The following EBPL variants were observed in gnomAD, a reference collection of about 807,000 sequenced individuals.
The protein encoded by EBPL is emopamil-binding protein-like.
A neutral mutation model predicts 19.0 loss-of-function variants in EBPL; 20 were observed. That is an observed-to-expected ratio of 1.05 (90% CI 0.74 to 1.53). EBPL has a LOEUF of 1.53. Among genes scored for constraint, EBPL ranks in the 40% most tolerant of loss-of-function variants. The pLI, the probability that EBPL is intolerant of heterozygous loss-of-function variation, is 0.00. For missense variants in EBPL, 219 were observed against 261.1 expected, an observed-to-expected ratio of 0.84 and a Z score of 1.11; for synonymous variants, 107 against 117.0, an observed-to-expected ratio of 0.91 and a Z score of 0.55.
At chr13:49,691,189 C>T (rs1954059726) in intron 1 of EBPL, 65 bp downstream of exon 1, 6 of 1,247,834 alleles carry the variant, frequency 4.8e-6, no homozygotes, top group Non-Finnish European at 6.1e-6. Flanking sequence ...CCCCTCACCC[C>T]GCCTTGCCGC....
chr13:49,679,092 CTACT>C lies in EBPL; in HGVS notation c.172-9250_172-9247del, dbSNP rs1953914928. 1.3e-5 allele frequency among the ~76,000 whole-genome samples: 2 copies of C among 151,776 alleles called. 1 individual carries two copies. Among genetic ancestry groups the C allele is most frequent in the African/African-American group, 4.8e-5 (2 of 41,282 alleles). On this transcript the variant is annotated intron_variant, in intron 1 of 3. Transcript: ENST00000242827. ...CCGAAGATCAAAGCCACTGAAAACA[CTACT>C]TACTATTTGCCAGGCACCAAAATTA...
intron 2 of EBPL, among the ~76,000 whole-genome samples, chr13:49,664,486 C>T (rs971824684): frequency 2.6e-5 from 4 of 152,130 alleles, no homozygotes; most frequent in Non-Finnish European, 5.9e-5. Flanking sequence ...GTGGTTTCTT[C>T]TCAGGAACAC....
intron 1 of EBPL, chr13:49,686,682 C>T (rs1954002336): frequency 1.6e-6 from 2 of 1,229,490 alleles, no homozygotes; most frequent in Non-Finnish European, 2.1e-6. Flanking sequence ...AGCAGTCATA[C>T]CTGGGGCTTC....
chr13:49,680,939 C>G (rs1953936286), intron 1 of EBPL, among the ~76,000 whole-genome samples: 1 of 152,122 alleles, frequency 6.6e-6, no homozygotes, highest in Non-Finnish European at 1.5e-5. Context: ...CTCCTGACTC[C>G]CAATCACGTT....
intron 1 of EBPL, among the ~76,000 whole-genome samples, chr13:49,674,166 C>T (rs972623718): frequency 7.9e-5 from 12 of 152,200 alleles, no homozygotes; most frequent in African/African-American, 2.4e-4. Flanking sequence ...TGCAGTGGTG[C>T]GACCTTGGCT....
intron 1 of EBPL, among the ~76,000 whole-genome samples, chr13:49,687,281 TCA>T (rs1232967302): frequency 1.3e-5 from 2 of 152,160 alleles, no homozygotes; most frequent in Non-Finnish European, 2.9e-5. Flanking sequence ...GGAAAGTCTC[TCA>T]CAGTTAGCTT....
rs139407673 is a variant in EBPL at position 49,661,263 on chromosome 13, C to T, written c.381-55G>A. On this transcript the variant is annotated intron_variant, in intron 3 of 3. Transcript: ENST00000242827. ...CCACCAGCTTGGCACAGTTTGGCAT[C>T]AGAGTCATGACATCTTGTCTGTAAT... 140 of 1,419,336 alleles carry T rather than the reference C, an allele frequency of 9.9e-5. 2 individuals carry two copies. The East Asian group carries it at 1.7e-3, about 17-fold the overall frequency. 87.9% of individuals were successfully genotyped at this position (1,419,336 alleles called of 1,614,324 possible). A position where few individuals can be genotyped will look rare whatever the true frequency, so the allele number is the denominator to read the frequency against.
intron 1 of EBPL, among the ~76,000 whole-genome samples, chr13:49,678,063 GCTTTTATTCCC>G: frequency 6.6e-6 from 1 of 152,264 alleles, no homozygotes; most frequent in Admixed American, 6.5e-5. Flanking sequence ...TGGGCAGCCT[GCTTTTATTCCC>G]TTATCTGACC....
chr13:49,661,978 G>C, intron 3 of EBPL: 1 of 1,440,550 alleles, frequency 6.9e-7, no homozygotes, highest in Non-Finnish European at 9.5e-7. Flanking sequence ...CTCTGAGTCT[G>C]ATAGGATGGA....
intron 1 of EBPL, 47 bp downstream of exon 1, chr13:49,691,206 TC>T: frequency 7.8e-7 from 1 of 1,283,494 alleles, no homozygotes; most frequent in Non-Finnish European, 9.9e-7. Flanking sequence ...CCGCCCCCGC[TC>T]CCACTCTCTG....
chr13:49,661,465 C>T (rs1965147730), intron 3 of EBPL, among the ~76,000 whole-genome samples: 1 of 152,122 alleles, frequency 6.6e-6, no homozygotes, highest in African/African-American at 2.4e-5. Flanking sequence ...CTCAGGGATC[C>T]TGACCCATTC....
chr13:49,676,123 T>C (rs1444706444), intron 1 of EBPL, among the ~76,000 whole-genome samples: 1 of 152,230 alleles, frequency 6.6e-6, no homozygotes, highest in Non-Finnish European at 1.5e-5. Flanking sequence ...TGGGCTAGAC[T>C]GCCCCATGGG....
intron 2 of EBPL, among the ~76,000 whole-genome samples, chr13:49,665,364 C>T (rs964555873): frequency 1.1e-4 from 17 of 152,200 alleles, no homozygotes; most frequent in Non-Finnish European, 2.2e-4. Flanking sequence ...CTCCGCCTCC[C>T]GTGTTCAAGC....
chr13:49,688,942 C>A (rs1954030780), intron 1 of EBPL, among the ~76,000 whole-genome samples: 1 of 152,154 alleles, frequency 6.6e-6, no homozygotes, highest in Non-Finnish European at 1.5e-5. Context: ...CCCCACTGAT[C>A]TCTGAGACAC....
intron 1 of EBPL, chr13:49,686,409 C>T (rs1953998556): frequency 4.0e-6 from 5 of 1,242,098 alleles, no homozygotes; most frequent in Non-Finnish European, 5.2e-6. Context: ...AAGCCTTTGG[C>T]TTCTGGAGCC....
intron 1 of EBPL, among the ~76,000 whole-genome samples, chr13:49,682,017 C>A (rs1020417450): frequency 2.6e-5 from 4 of 152,194 alleles, no homozygotes; most frequent in African/African-American, 9.7e-5. Flanking sequence ...CAACAGCATA[C>A]AACATTGTTT....
At chr13:49,662,965 A>G in intron 3 of EBPL, 92 bp downstream of exon 3, 2 of 1,499,728 alleles carry the variant, frequency 1.3e-6, no homozygotes, top group Non-Finnish European at 1.8e-6. Flanking sequence ...TCTAACAAAT[A>G]TATGTGGTCA....
intron 1 of EBPL, among the ~76,000 whole-genome samples, chr13:49,681,907 G>A (rs944803194): frequency 6.6e-6 from 1 of 152,120 alleles, no homozygotes; most frequent in African/African-American, 2.4e-5. Flanking sequence ...AGTGGAGCAG[G>A]AATAGAATCA....
intron 1 of EBPL, among the ~76,000 whole-genome samples, chr13:49,682,056 A>G (rs1181066314): frequency 2.0e-5 from 3 of 152,174 alleles, no homozygotes; most frequent in Non-Finnish European, 4.4e-5. Context: ...GCAGCCTCCT[A>G]CTGTCCTTTG....
Sources: allele counts gnomAD v4.1 joint callset (sites outside exome capture counted in the v4.1 genomes callset), GRCh38; gene constraint gnomAD v4.1.1; transcripts MANE v1.5; gene names NCBI Gene and HGNC (gene_info 2026-07-23, HGNC 2026-07-21).